The following ANKS1B variants were observed in gnomAD, a reference collection of about 807,000 sequenced individuals.
The protein encoded by ANKS1B is ankyrin repeat and sterile alpha motif domain-containing protein 1B.
Under a neutral mutation model 148.3 loss-of-function variants are expected in ANKS1B, and 36 were observed. The ratio of observed to expected loss-of-function variants is 0.24; its 90% CI spans 0.19 to 0.32. The LOEUF (loss-of-function observed/expected upper bound fraction) is 0.32, where lower values mean the gene tolerates loss of function less well. Among genes scored for constraint, ANKS1B ranks in the 10% least tolerant of loss-of-function variants. The probability of loss-of-function intolerance (pLI) is 1.00; values close to 1 mark genes in which losing one functional copy is unlikely to be tolerated. For synonymous variants in ANKS1B, 542 were observed against 560.8 expected (o/e 0.97, Z 0.47); for missense variants, 1,157 against 1,542.6 (o/e 0.75, Z 4.19).
At chr12:99,464,663 G>A (rs12308758) in intron 10 of ANKS1B, among the ~76,000 whole-genome samples, 8,181 of 152,214 alleles carry the variant, frequency 0.054, 763 homozygotes, top group African/African-American at 0.19. Context: ...CTCAGGAGCC[G>A]ATGCGATCAA....
At chr12:99,718,125 G>C (rs1012783691) in intron 8 of ANKS1B, among the ~76,000 whole-genome samples, 2 of 151,624 alleles carry the variant, frequency 1.3e-5, no homozygotes, top group African/African-American at 2.4e-5. Flanking sequence ...GGATGGTCTC[G>C]ATCTGACCTC....
chr12:99,225,314 T>C (rs2085734107), intron 14 of ANKS1B, among the ~76,000 whole-genome samples: 2 of 152,130 alleles, frequency 1.3e-5, no homozygotes, highest in African/African-American at 4.8e-5. Context: ...TATATAATAT[T>C]ATAATGACAG....
intron 11 of ANKS1B, among the ~76,000 whole-genome samples, chr12:99,431,787 A>G (rs2095376358): frequency 6.6e-6 from 1 of 152,126 alleles, no homozygotes; most frequent in African/African-American, 2.4e-5. Context: ...TGCTTATCCT[A>G]TTCTTCTCCC....
intron 1 of ANKS1B, among the ~76,000 whole-genome samples, chr12:99,901,370 C>G (rs1565959881): frequency 6.6e-6 from 1 of 152,224 alleles, no homozygotes; most frequent in Admixed American, 6.5e-5. Context: ...TCAACGCCAG[C>G]TGTCCCCACA....
chr12:99,551,161 C>T (rs1204442664), intron 9 of ANKS1B, among the ~76,000 whole-genome samples: 4 of 152,140 alleles, frequency 2.6e-5, no homozygotes, highest in African/African-American at 9.7e-5. Context: ...AAACAAAACA[C>T]CTAAAACACA....
intron 9 of ANKS1B, among the ~76,000 whole-genome samples, chr12:99,517,213 T>C (rs983056549): frequency 7.2e-5 from 11 of 152,144 alleles, no homozygotes; most frequent in African/African-American, 2.7e-4. Flanking sequence ...ATAGTTTTCA[T>C]TGTAGAGATC....
At chr12:99,126,544 T>C (rs966559343) in intron 15 of ANKS1B, among the ~76,000 whole-genome samples, 2 of 152,160 alleles carry the variant, frequency 1.3e-5, no homozygotes, top group African/African-American at 4.8e-5. Flanking sequence ...GTAAAACCTA[T>C]GCATGGCGAA....
chr12:99,318,979 T>C (rs2084704897), intron 12 of ANKS1B, among the ~76,000 whole-genome samples: 1 of 152,116 alleles, frequency 6.6e-6, no homozygotes, highest in Admixed American at 6.5e-5. Flanking sequence ...AGTTGAGCGG[T>C]TTTGAGTGAG....
At chr12:99,275,867 T>C (rs910708963) in intron 12 of ANKS1B, among the ~76,000 whole-genome samples, 1 of 152,224 alleles carries the variant, frequency 6.6e-6, no homozygotes, top group African/African-American at 2.4e-5. Context: ...CAGTCTGTGA[T>C]AGCTAACCTG....
intron 17 of ANKS1B, among the ~76,000 whole-genome samples, chr12:98,887,869 T>G (rs934635847): frequency 2.6e-5 from 4 of 152,316 alleles, no homozygotes; most frequent in Admixed American, 1.3e-4. Flanking sequence ...GGCCTCAGCC[T>G]CCCAAAGTGC....
intron 12 of ANKS1B, among the ~76,000 whole-genome samples, chr12:99,335,773 T>C (rs951782279): frequency 1.3e-5 from 2 of 152,150 alleles, no homozygotes; most frequent in Non-Finnish European, 2.9e-5. Flanking sequence ...GATGGATGTT[T>C]AGGTTGCTTC....
chr12:99,470,797 A>G (rs1309699238), intron 10 of ANKS1B, among the ~76,000 whole-genome samples: 1 of 152,142 alleles, frequency 6.6e-6, no homozygotes, highest in Non-Finnish European at 1.5e-5. Flanking sequence ...TGCCAATTAT[A>G]AAATGAGAGT....
chr12:99,498,577 T>G (rs1256802442), intron 10 of ANKS1B, among the ~76,000 whole-genome samples: 1 of 152,184 alleles, frequency 6.6e-6, no homozygotes. Context: ...CTTATCTTGT[T>G]CATTGCCCTT....
At chr12:99,235,390 T>A (rs2153956823) in intron 14 of ANKS1B, among the ~76,000 whole-genome samples, 2 of 152,232 alleles carry the variant, frequency 1.3e-5, no homozygotes, top group Middle Eastern at 6.8e-3. Flanking sequence ...TCCTCAGTAT[T>A]GAGGAACTTA....
intron 14 of ANKS1B, among the ~76,000 whole-genome samples, chr12:99,236,565 C>T (rs35819401): frequency 0.034 from 5,108 of 152,314 alleles, 126 homozygotes; most frequent in Non-Finnish European, 0.051. Context: ...AATCACCTCC[C>T]ACTAGGTCCC....
rs116244612 is a variant in ANKS1B, at chr12:99,673,935, A to T, written c.1129-18725T>A. On this transcript the variant is annotated intron_variant, in intron 8 of 26. Coordinates refer to ENST00000683438, the MANE Select transcript of ANKS1B (RefSeq NM_001352186.2). The stretch of plus-strand genomic sequence containing the variant: ...GTAAAGTATGGCAACTAGTTACAAG[A>T]TTAATATAAAAATCAACAGTCTTTC... Among the ~76,000 whole-genome samples the T allele has an allele frequency of 6.9e-3, 1,053 of 151,894 alleles. 14 individuals are homozygous for T. Among genetic ancestry groups the T allele is most frequent in the African/African-American group, 0.024 (984 of 41,550 alleles).
chr12:98,744,555 T>G lies in ANKS1B; in HGVS notation c.*1184A>C, dbSNP rs995752569. On this transcript the variant is annotated 3_prime_UTR_variant, in exon 27 of 27. Coordinates refer to ENST00000683438, the MANE Select transcript of ANKS1B (RefSeq NM_001352186.2). ...ATACATTATGGTATCATACAAATACTCCACAGAGACATTAAAAAATTAAAA... is the reference window on the plus strand; with the variant it reads ...ATACATTATGGTATCATACAAATACGCCACAGAGACATTAAAAAATTAAAA... The G allele has an allele frequency of 1.6e-6, 1 of 622,214 alleles. No individual in the cohort carries two copies. Among genetic ancestry groups the G allele is most frequent in the African/African-American group, 2.0e-5 (1 of 50,310 alleles). 38.5% of individuals were successfully genotyped at this position (622,214 alleles called of 1,614,324 possible). A position where few individuals can be genotyped will look rare whatever the true frequency, so the allele number is the denominator to read the frequency against.
chr12:99,498,774 G>C (rs148911567), intron 10 of ANKS1B, among the ~76,000 whole-genome samples: 4 of 151,954 alleles, frequency 2.6e-5, no homozygotes, highest in Non-Finnish European at 5.9e-5. Flanking sequence ...TAAAAGACTC[G>C]TGTGCATCAA....
intron 17 of ANKS1B, among the ~76,000 whole-genome samples, chr12:98,886,876 G>T (rs189981019): frequency 6.6e-6 from 1 of 152,086 alleles, no homozygotes; most frequent in Admixed American, 6.6e-5. Context: ...ATAGGAAGAC[G>T]TTCTCCAAAA....
Sources: allele counts gnomAD v4.1 joint callset (sites outside exome capture counted in the v4.1 genomes callset), GRCh38; gene constraint gnomAD v4.1.1; transcripts MANE v1.5; gene names NCBI Gene and HGNC (gene_info 2026-07-23, HGNC 2026-07-21).